The following PHB1 variants were observed in gnomAD, a reference collection of about 807,000 sequenced individuals.
PHB1 encodes the protein prohibitin 1, also known as epididymis luminal protein 215.
chr17:49,411,917 C>T, the PHB1 span: 6 of 1,308,930 alleles, frequency 4.6e-6, no homozygotes, highest in Non-Finnish European at 5.3e-6. Flanking sequence ...TGAAAGAGCC[C>T]TGGTGCTTTC....
the PHB1 span, among the ~76,000 whole-genome samples, chr17:49,406,148 CCACA>C: frequency 6.6e-6 from 1 of 152,190 alleles, no homozygotes; most frequent in African/African-American, 2.4e-5. Flanking sequence ...AAGTCTCTGC[CCACA>C]CAGTGTTTTC....
At chr17:49,407,384 C>G in the PHB1 span, 1 of 156,738 alleles carries the variant, frequency 6.4e-6, no homozygotes, top group East Asian at 1.9e-4. Context: ...CACCACTGAA[C>G]AGGAAGAGGA....
chr17:49,411,962 C>T, the PHB1 span: 2 of 833,854 alleles, frequency 2.4e-6, no homozygotes, highest in Non-Finnish European at 3.7e-6. Context: ...TTCTCTCTGT[C>T]TTCCCCAACT....
chr17:49,409,329 A>G, the PHB1 span: 1 of 1,613,976 alleles, frequency 6.2e-7, no homozygotes, highest in Non-Finnish European at 8.5e-7. Flanking sequence ...CTGTTCACTC[A>G]CCACCACTGA....
chr17:49,411,980 T>C, the PHB1 span: 2 of 700,096 alleles, frequency 2.9e-6, no homozygotes, highest in Non-Finnish European at 4.7e-6. Context: ...ACTCCTGGTC[T>C]CTAGAGACTT....
the PHB1 span, chr17:49,412,281 C>T: frequency 6.0e-6 from 1 of 166,712 alleles, no homozygotes; most frequent in Non-Finnish European, 1.3e-5. Flanking sequence ...GAAGAGCCTA[C>T]TCTTTCTTCC....
At chr17:49,413,327 T>C in the PHB1 span, 2 of 1,206,154 alleles carry the variant, frequency 1.7e-6, no homozygotes, top group Non-Finnish European at 2.4e-6. Context: ...TCAAACTTGA[T>C]GCCAAATCCT....
chr17:49,412,515 G>T, the PHB1 span, among the ~76,000 whole-genome samples: 1 of 152,170 alleles, frequency 6.6e-6, no homozygotes, highest in Non-Finnish European at 1.5e-5. Flanking sequence ...CCTCTTGTCA[G>T]CCAGCCACAC....
chr17:49,408,359 T>C, the PHB1 span, among the ~76,000 whole-genome samples: 1 of 152,120 alleles, frequency 6.6e-6, no homozygotes, highest in African/African-American at 2.4e-5. Flanking sequence ...CCCGAACAAA[T>C]CACTCCAAAT....
chr17:49,411,353 A>C, the PHB1 span, among the ~76,000 whole-genome samples: 3 of 151,690 alleles, frequency 2.0e-5, no homozygotes, highest in East Asian at 3.9e-4. Flanking sequence ...GGCACCCCCC[A>C]CCACCGGCTA....
chr17:49,409,215 G>A, the PHB1 span: 4 of 1,575,082 alleles, frequency 2.5e-6, no homozygotes. Context: ...AGCAGAAAAG[G>A]AACCAGGAAA....
chr17:49,409,543 G>GTTTTT, the PHB1 span: 11 of 839,032 alleles, frequency 1.3e-5, no homozygotes, highest in African/African-American at 4.1e-5. Context: ...TTTTTTTTTT[G>GTTTTT]TTTTTTTTTT....
the PHB1 span, chr17:49,404,545 C>CGGAG: frequency 4.1e-6 from 1 of 246,054 alleles, no homozygotes; most frequent in Non-Finnish European, 8.1e-6. Flanking sequence ...GCTGGGAAGA[C>CGGAG]GGAGGCCTGC....
chr17:49,412,850 C>T, the PHB1 span: 12 of 218,478 alleles, frequency 5.5e-5, no homozygotes, highest in African/African-American at 2.7e-4. Context: ...ATCTCCATTT[C>T]AGATAGCCAG....
the PHB1 span, chr17:49,405,334 G>A: frequency 1.4e-6 from 1 of 719,480 alleles, no homozygotes; most frequent in East Asian, 2.7e-5. Flanking sequence ...ACTTCCTCCT[G>A]ATGGCTAGCG....
the PHB1 span, chr17:49,404,513 C>T: frequency 4.5e-6 from 1 of 222,158 alleles, no homozygotes; most frequent in Non-Finnish European, 9.1e-6. Flanking sequence ...CACCTCTCTT[C>T]AGCAGCATCT....
At chr17:49,411,125 C>T in the PHB1 span, among the ~76,000 whole-genome samples, 3 of 150,692 alleles carry the variant, frequency 2.0e-5, no homozygotes, top group Admixed American at 6.6e-5. Flanking sequence ...GAAATAGGTA[C>T]ATAATGTATC....
At chr17:49,414,772 T>C in the PHB1 span, 3,199 of 152,364 alleles carry the variant, frequency 0.021, 113 homozygotes, top group African/African-American at 0.073. Flanking sequence ...GTGCACATCA[T>C]GGAGCAGAGG....
chr17:49,413,188 G>T, the PHB1 span: 1 of 1,612,044 alleles, frequency 6.2e-7, no homozygotes. Flanking sequence ...ATTATATAAG[G>T]CAGAGTTCAC....
Sources: gnomAD v4.1 joint callset for allele counts (sites outside exome capture counted in the v4.1 genomes callset) on GRCh38, gnomAD v4.1.1 for gene constraint, MANE v1.5 for transcripts, NCBI Gene and HGNC (gene_info 2026-07-23, HGNC 2026-07-21) for gene names.